CYP7B1: variants seen among roughly 807,000 people sequenced by gnomAD.
The protein encoded by CYP7B1 is cytochrome P450 family 7 subfamily B member 1.
In CYP7B1, 29 loss-of-function variants were observed where a neutral mutation model predicts 42.7. The ratio of observed to expected loss-of-function variants is 0.68; its 90% CI spans 0.51 to 0.93. CYP7B1 has a LOEUF of 0.93. Ranked by LOEUF, CYP7B1 falls within the 40% of genes least tolerant of loss-of-function variation. The pLI is 0.00. For missense variants in CYP7B1, 655 were observed against 600.5 expected (o/e 1.09, Z -0.95); for synonymous variants, 235 against 218.2 (o/e 1.08, Z -0.68).
chr8:64,690,378 GGGCGATACA>G (rs1806720949), intron 1 of CYP7B1, among the ~76,000 whole-genome samples: 1 of 152,190 alleles, frequency 6.6e-6, no homozygotes, highest in Non-Finnish European at 1.5e-5. Context: ...ACTCCAGCTT[GGGCGATACA>G]GTGAGACCCT....
intron 4 of CYP7B1, 40 bp downstream of exon 4, chr8:64,614,986 A>G: frequency 6.2e-7 from 1 of 1,605,018 alleles, no homozygotes; most frequent in Non-Finnish European, 8.5e-7. Flanking sequence ...GTTTGCAGAG[A>G]GGTACCTTCT....
chr8:64,647,322 T>C (rs757852959), intron 1 of CYP7B1, among the ~76,000 whole-genome samples: 1 of 152,112 alleles, frequency 6.6e-6, no homozygotes, highest in Admixed American at 6.5e-5. Context: ...ATGAAAAAGT[T>C]TGAAATATTG....
chr8:64,776,069 T>C (rs1175952491), intron 1 of CYP7B1, among the ~76,000 whole-genome samples: 1 of 152,142 alleles, frequency 6.6e-6, no homozygotes, highest in Non-Finnish European at 1.5e-5. Flanking sequence ...TAAGGAGATG[T>C]ATTCTTAGTT....
At chr8:64,671,791 G>C (rs1806371407) in intron 1 of CYP7B1, among the ~76,000 whole-genome samples, 1 of 151,984 alleles carries the variant, frequency 6.6e-6, no homozygotes, top group African/African-American at 2.4e-5. Flanking sequence ...TGTTTCTCCA[G>C]AAAACCCAGA....
At chr8:64,752,172 A>G (rs1194641381) in intron 1 of CYP7B1, among the ~76,000 whole-genome samples, 1 of 151,584 alleles carries the variant, frequency 6.6e-6, no homozygotes, top group African/African-American at 2.4e-5. Context: ...TATGTACTCC[A>G]GAAAAAAAAA....
chr8:64,652,399 C>G (rs1806052957), intron 1 of CYP7B1, among the ~76,000 whole-genome samples: 1 of 152,172 alleles, frequency 6.6e-6, no homozygotes, highest in South Asian at 2.1e-4. Flanking sequence ...ATGGCACACA[C>G]TCTAAAATTG....
In CYP7B1 at chr8:64,769,567, A is replaced by C. The variant is rs147049167; in HGVS notation, c.122+28899T>G. On this transcript the variant is annotated intron_variant, in intron 1 of 5. Transcript: ENST00000310193. ...TACCCCGTCCTAAGCCTCCATGCCC[A>C]ATTAAATTTTAATTGTGTGACCTTC... 2.0e-5 allele frequency among the ~76,000 whole-genome samples: 3 copies of C among 152,306 alleles called. No homozygotes were observed. In the East Asian group the frequency reaches 5.8e-4, roughly 29 times the overall value.
intron 1 of CYP7B1, among the ~76,000 whole-genome samples, chr8:64,688,614 G>C (rs1181681290): frequency 3.9e-5 from 6 of 152,292 alleles, no homozygotes; most frequent in Admixed American, 1.3e-4. Context: ...TGGTTTTCTA[G>C]GTGCTGGTGA....
chr8:64,763,492 C>T (rs1461046314), intron 1 of CYP7B1, among the ~76,000 whole-genome samples: 3 of 152,208 alleles, frequency 2.0e-5, no homozygotes, highest in Admixed American at 1.3e-4. Context: ...TTCTCTAAAG[C>T]AGTGAGTAAT....
chr8:64,588,071 T>C (rs1188583539), downstream of CYP7B1, among the ~76,000 whole-genome samples: 1 of 152,216 alleles, frequency 6.6e-6, no homozygotes, highest in Non-Finnish European at 1.5e-5. Context: ...GAAGCAAATT[T>C]ATGGTCTGTT....
At chr8:64,686,262 C>T (rs376908283) in intron 1 of CYP7B1, among the ~76,000 whole-genome samples, 57 of 39,672 alleles carry the variant, frequency 1.4e-3, no homozygotes, top group Non-Finnish European at 1.6e-3. Context: ...CCAGCCGCCC[C>T]GTCCGGGAGG....
At chr8:64,648,748 T>G (rs1033623160) in intron 1 of CYP7B1, among the ~76,000 whole-genome samples, 1 of 152,210 alleles carries the variant, frequency 6.6e-6, no homozygotes, top group Non-Finnish European at 1.5e-5. Context: ...GAAGATGCTA[T>G]ACAACTTTTC....
intron 1 of CYP7B1, among the ~76,000 whole-genome samples, chr8:64,664,130 C>T (rs1359788819): frequency 6.6e-6 from 1 of 152,196 alleles, no homozygotes; most frequent in African/African-American, 2.4e-5. Flanking sequence ...AGCACACCCA[C>T]TGCCCATGCC....
Position 64,747,397 on chromosome 8 carries a change from C to T in CYP7B1, c.122+51069G>A, listed in dbSNP as rs139647073. Among the ~76,000 whole-genome samples the T allele has an allele frequency of 2.6e-3, 390 of 151,016 alleles. 1 individual carries two copies. Among genetic ancestry groups the T allele is most frequent in the African/African-American group, 8.8e-3 (365 of 41,328 alleles). On this transcript the variant is annotated intron_variant, in intron 1 of 5. Transcript: ENST00000310193. ...CCCTGCACAGTCAGAAATTCACATA[C>T]AACTTTTAACTCCCCAAAAACTTAA...
chr8:64,670,977 C>G (rs775730603), intron 1 of CYP7B1, among the ~76,000 whole-genome samples: 1 of 152,036 alleles, frequency 6.6e-6, no homozygotes, highest in Non-Finnish European at 1.5e-5. Flanking sequence ...TGTCTTCCCA[C>G]CTGGGTCATA....
In CYP7B1 at chr8:64,653,733, C is replaced by T. The variant is rs1422042233; in HGVS notation, c.123-29194G>A. ...TCAGGTCAATATCCTTGATGAACAT[C>T]GATGCAAAAATCCTCAACAGAATAC... On this transcript the variant is annotated intron_variant, in intron 1 of 5. Transcript: ENST00000310193. 2.6e-5 allele frequency among the ~76,000 whole-genome samples: 4 copies of T among 152,276 alleles called. No homozygotes were observed. The East Asian group carries it at 7.7e-4, about 29-fold the overall frequency.
chr8:64,736,220 C>T (rs1276673424), intron 1 of CYP7B1, among the ~76,000 whole-genome samples: 1 of 152,088 alleles, frequency 6.6e-6, no homozygotes, highest in Non-Finnish European at 1.5e-5. Context: ...CCATATAAAT[C>T]CCAAATCAGT....
At chr8:64,743,300 C>T (rs1426653812) in intron 1 of CYP7B1, among the ~76,000 whole-genome samples, 2 of 152,088 alleles carry the variant, frequency 1.3e-5, no homozygotes, top group Admixed American at 6.6e-5. Flanking sequence ...GGCTCTATAT[C>T]TGTTAATTGA....
chr8:64,697,133 A>G (rs1318932953), intron 1 of CYP7B1, among the ~76,000 whole-genome samples: 1 of 152,146 alleles, frequency 6.6e-6, no homozygotes, highest in Admixed American at 6.6e-5. Flanking sequence ...AATGAATGAA[A>G]ATGGAAGAAA....
Sources: gnomAD v4.1 joint callset for allele counts (sites outside exome capture counted in the v4.1 genomes callset) on GRCh38, gnomAD v4.1.1 for gene constraint, MANE v1.5 for transcripts, NCBI Gene and HGNC (gene_info 2026-07-23, HGNC 2026-07-21) for gene names.